POMGNT1: variants seen among roughly 807,000 people sequenced by gnomAD.
POMGNT1 encodes protein O-linked mannose N-acetylglucosaminyltransferase 1 (beta 1,2-).
In POMGNT1, 67 loss-of-function variants were observed where a neutral mutation model predicts 95.6. The ratio of observed to expected loss-of-function variants is 0.70; its 90% confidence interval spans 0.58 to 0.86. POMGNT1 has a LOEUF of 0.86. Among genes scored for constraint, POMGNT1 ranks in the 40% least tolerant of loss-of-function variants. The probability of loss-of-function intolerance (pLI) is 0.00; values close to 1 mark genes in which losing one functional copy is unlikely to be tolerated. For missense variants in POMGNT1, 719 were observed against 855.2 expected (o/e 0.84, Z 1.99); for synonymous variants, 298 against 317.9 (o/e 0.94, Z 0.66).
At chr1:46,220,008 G>A (rs1447218588) in exon 1 of POMGNT1, 9 of 1,614,240 alleles carry the variant, frequency 5.6e-6, no homozygotes, top group Non-Finnish European at 7.6e-6. Context: ...TTCCGAGATG[G>A]ACTGGGCAAA....
At chr1:46,190,083 GC>G in intron 19 of POMGNT1, 94 bp from the exon 20 acceptor site, 1 of 1,287,170 alleles carries the variant, frequency 7.8e-7, no homozygotes, top group Non-Finnish European at 1.1e-6. Flanking sequence ...CTCTGCTGTT[GC>G]CACCTTGAAG....
Position 46,194,373 on chromosome 1 carries a change from C to G in POMGNT1, c.780G>C (p.Glu260Asp), listed in dbSNP as rs774930279. The change falls in exon 9 of 22, where the codon GAG becomes GAC. Residue 260 changes from glutamate to aspartate, a missense_variant. Glu to Asp is a conservative substitution (Grantham distance 45). Around this residue, in one of 5 missense-constraint regions of POMGNT1, gnomAD observed 466 missense variants for 517.4 expected, o/e 0.90. Coordinates refer to ENST00000371984, the MANE Select transcript of POMGNT1 (RefSeq NM_017739.4). ...EEAECHWADT[E>D]LNRRRRRFCS... ...AGAAGCGCCGGCGGCGACGGTTCAGCTCTGTGTCTGCCCAGTGGCACTCTG... is the reference window on the plus strand; with the variant it reads ...AGAAGCGCCGGCGGCGACGGTTCAGGTCTGTGTCTGCCCAGTGGCACTCTG... 1.3e-5 allele frequency: 21 copies of G among 1,614,122 alleles called. No homozygotes were observed. Among genetic ancestry groups the G allele is most frequent in the South Asian group, 3.3e-5 (3 of 91,092 alleles).
intron 1 of POMGNT1, among the ~76,000 whole-genome samples, chr1:46,211,306 G>T (rs924588037): frequency 2.6e-5 from 4 of 152,102 alleles, no homozygotes; most frequent in African/African-American, 9.7e-5. Context: ...TCTACTCTGG[G>T]AAGGTGAGAG....
At chr1:46,201,135 A>G (rs1313633911), upstream of POMGNT1, among the ~76,000 whole-genome samples, 1 of 152,058 alleles carries the variant, frequency 6.6e-6, no homozygotes, top group East Asian at 1.9e-4. Flanking sequence ...TGTCTCAAAA[A>G]AAAAAGACAA....
Position 46,196,760 on chromosome 1 carries a change from T to C in POMGNT1, c.325A>G (p.Lys109Glu), listed in dbSNP as rs1459243404. ...GTGCCATCCACTGCCACATATACTT[T>C]GCTGCGACTTGAATACACCTCTACG... The part of the protein sequence containing the change: ...LDVEVYSSRS[K>E]VYVAVDGTTV... Residue 109 changes from lysine (K) to glutamate (E), a missense_variant, in exon 4 of 22, where the codon AAA (lysine) becomes GAA (glutamate). This residue lies in a region of POMGNT1 where 466 missense variants were observed against 517.4 expected (regional missense o/e 0.90). Transcript: ENST00000371984. The surrounding 1 kb of genome is among the most constrained non-coding windows in gnomAD (Gnocchi z 4.4). 9.3e-6 allele frequency: 15 copies of C among 1,614,050 alleles called. No individual in the cohort carries two copies. Among genetic ancestry groups the C allele is most frequent in the Non-Finnish European group, 1.3e-5 (15 of 1,180,046 alleles).
Position 46,194,995 on chromosome 1 carries a change from G to A in POMGNT1, c.535-34C>T, listed in dbSNP as rs761915739. The A allele has an allele frequency of 3.1e-6, 5 of 1,603,916 alleles. No individual in the cohort carries two copies. In the South Asian group the frequency reaches 4.4e-5, roughly 14 times the overall value. On this transcript the variant is annotated intron_variant, in intron 6 of 21. Transcript: ENST00000371984. ...CCAGAGAAGGCAGTTAGCCTGACTG[G>A]CATGGTTCCAGGAGACCTGGCCTCA...
intron 1 of POMGNT1, among the ~76,000 whole-genome samples, chr1:46,206,595 A>T (rs886783318): frequency 1.3e-5 from 2 of 152,152 alleles, no homozygotes; most frequent in Non-Finnish European, 2.9e-5. Flanking sequence ...GTGTGAAAAG[A>T]GTGTTTCTTT....
Position 46,190,519 on chromosome 1 carries a change from TGAAGA to T in POMGNT1, c.1605-7_1605-3del. ...ACTTCATAAGCTTCTTTCTTCAGAC[TGAAGA>T]GGAGGGAGAAATGGGTCAGGGGAGT... On this transcript the variant is annotated splice_region_variant and splice_polypyrimidine_tract_variant and intron_variant, in intron 18 of 21. Coordinates refer to ENST00000371984, the MANE Select transcript of POMGNT1 (RefSeq NM_017739.4). 1 of 1,604,358 alleles carries T rather than the reference TGAAGA, an allele frequency of 6.2e-7. No individual in the cohort carries two copies. The highest frequency in any genetic ancestry group is 8.5e-7 in the Non-Finnish European group (1 of 1,171,124).
In POMGNT1 at chr1:46,189,400, C is replaced by T. The variant is rs763158209; in HGVS notation, c.1896-43G>A. On this transcript the variant is annotated intron_variant, in intron 21 of 21. Transcript: ENST00000371984. ...GAATGTATAGAGAAGAAGCCATTAG[C>T]TATATCCCTGGATCTCACTAGGCCT... 17 of 1,613,894 alleles carry T rather than the reference C, an allele frequency of 1.1e-5. No homozygotes were observed. The East Asian group carries it at 3.6e-4, about 34-fold the overall frequency.
Position 46,196,611 on chromosome 1 carries a change from A to T in POMGNT1, c.354+120T>A. On this transcript the variant is annotated intron_variant, in intron 4 of 21. Coordinates refer to ENST00000371984, the MANE Select transcript of POMGNT1 (RefSeq NM_017739.4). This position sits in a 1 kb window ranked among gnomAD's most constrained non-coding sequence, Gnocchi z 4.4. The stretch of plus-strand genomic sequence containing the variant: ...TATAGATAAGGAATCGAGGACTCCA[A>T]AGTCACACAGCTAGAAACTGGCAGA... The T allele has an allele frequency of 6.3e-7, 1 of 1,587,812 alleles. No homozygotes were observed. The highest frequency in any genetic ancestry group is 8.5e-7 in the Non-Finnish European group (1 of 1,170,436).
chr1:46,212,618 C>T (rs1025447293), intron 1 of POMGNT1, among the ~76,000 whole-genome samples: 8 of 151,944 alleles, frequency 5.3e-5, no homozygotes, highest in Middle Eastern at 3.4e-3. Flanking sequence ...GCTCTGTCAC[C>T]CAAGCTATAG....
At chr1:46,207,641 C>G (rs1219802688) in intron 1 of POMGNT1, among the ~76,000 whole-genome samples, 1 of 151,600 alleles carries the variant, frequency 6.6e-6, no homozygotes, top group African/African-American at 2.4e-5. Flanking sequence ...TGGGTTCAGC[C>G]CATTCTCCTG....
chr1:46,202,912 G>GGGT (rs1658582399), upstream of POMGNT1, among the ~76,000 whole-genome samples: 1 of 104,738 alleles, frequency 9.5e-6, no homozygotes, highest in Non-Finnish European at 1.9e-5. Flanking sequence ...CCCCTGGGGG[G>GGGT]GGGGGGTGGT....
At chr1:46,197,131 C>T (rs1658312311) in intron 2 of POMGNT1, 47 bp from the exon 3 acceptor site, 1 of 1,613,286 alleles carries the variant, frequency 6.2e-7, no homozygotes, top group South Asian at 1.1e-5. Flanking sequence ...TCCTTCAGAT[C>T]CTAGAGGGTC....
chr1:46,197,308 C>T, intron 2 of POMGNT1: 1 of 1,492,446 alleles, frequency 6.7e-7, no homozygotes, highest in Non-Finnish European at 9.0e-7. Flanking sequence ...CCCTCCCTAC[C>T]CAGTGCTCCT....
At chr1:46,203,400 C>T, upstream of POMGNT1, 1 of 1,438,780 alleles carries the variant, frequency 7.0e-7, no homozygotes, top group East Asian at 2.7e-5. Flanking sequence ...CGTCCGGTCG[C>T]CCAGCCCTTT....
chr1:46,202,462 G>A (rs892507380), upstream of POMGNT1, among the ~76,000 whole-genome samples: 5 of 151,952 alleles, frequency 3.3e-5, no homozygotes, highest in Admixed American at 2.6e-4. Flanking sequence ...GGAGGCCAAG[G>A]CAGGCGGATC....
At chr1:46,212,117 A>T (rs1449054033) in intron 1 of POMGNT1, among the ~76,000 whole-genome samples, 1 of 152,170 alleles carries the variant, frequency 6.6e-6, no homozygotes, top group African/African-American at 2.4e-5. Context: ...GATGTGAATA[A>T]AGCAGTTATT....
chr1:46,204,306 G>C (rs963410982), intron 1 of POMGNT1, among the ~76,000 whole-genome samples: 1 of 152,126 alleles, frequency 6.6e-6, no homozygotes, highest in African/African-American at 2.4e-5. Context: ...GTACATTCTT[G>C]GGGAGAAGAG....
Sources: allele counts gnomAD v4.1 joint callset (sites outside exome capture counted in the v4.1 genomes callset), GRCh38; gene constraint gnomAD v4.1.1; regional missense constraint gnomAD v4.1.1; non-coding constraint Gnocchi (gnomAD v3.1); transcripts MANE v1.5; gene names NCBI Gene and HGNC (gene_info 2026-07-23, HGNC 2026-07-21).